Variants in KANSL1L observed in about 807,000 individuals in gnomAD.
KANSL1L encodes KAT8 regulatory NSL complex subunit 1-like protein.
A neutral mutation model predicts 108.6 loss-of-function variants in KANSL1L; 25 were observed. The ratio of observed to expected loss-of-function variants is 0.23; its 90% confidence interval spans 0.17 to 0.32. The LOEUF is 0.32. KANSL1L is among the 10% of genes least tolerant of loss of function. The pLI is 1.00. For synonymous variants in KANSL1L, 405 were observed against 395.1 expected, an observed-to-expected ratio of 1.03 and a Z score of -0.30; for missense variants, 1,137 against 1,125.7, an observed-to-expected ratio of 1.01 and a Z score of -0.14.
upstream of KANSL1L, chr2:210,171,585 C>G (rs547512336): frequency 1.3e-5 from 2 of 152,344 alleles, no homozygotes; most frequent in South Asian, 2.1e-4. Flanking sequence ...GGGTTTACCT[C>G]GGCTCCCTCG....
At chr2:210,143,750 C>A (rs2095246422) in intron 2 of KANSL1L, among the ~76,000 whole-genome samples, 1 of 152,032 alleles carries the variant, frequency 6.6e-6, no homozygotes, top group Non-Finnish European at 1.5e-5. Context: ...ACTTTTATTC[C>A]TCCTATTCTA....
At chr2:210,074,862 TAACGTTA>T (rs2094531472) in intron 6 of KANSL1L, among the ~76,000 whole-genome samples, 1 of 152,194 alleles carries the variant, frequency 6.6e-6, no homozygotes, top group Non-Finnish European at 1.5e-5. Context: ...TTAAGAAATC[TAACGTTA>T]ATTGTCAGGG....
intron 6 of KANSL1L, among the ~76,000 whole-genome samples, chr2:210,046,039 A>G (rs909380240): frequency 6.6e-6 from 1 of 152,176 alleles, no homozygotes; most frequent in South Asian, 2.1e-4. Flanking sequence ...GTGTCTGACA[A>G]AGGTCTACTT....
intron 6 of KANSL1L, among the ~76,000 whole-genome samples, chr2:210,062,134 G>A (rs555938667): frequency 6.6e-6 from 1 of 152,316 alleles, no homozygotes; most frequent in Admixed American, 6.5e-5. Context: ...GGGACCGGGA[G>A]ATGTAATCGA....
intron 2 of KANSL1L, among the ~76,000 whole-genome samples, chr2:210,135,051 C>T (rs2095161443): frequency 6.6e-6 from 1 of 152,156 alleles, no homozygotes. Flanking sequence ...GACCTTACTC[C>T]ACTGCCAGAG....
chr2:210,124,907 T>C (rs888770082), intron 3 of KANSL1L, among the ~76,000 whole-genome samples: 2 of 152,098 alleles, frequency 1.3e-5, no homozygotes, highest in Non-Finnish European at 2.9e-5. Flanking sequence ...CTAGATTACA[T>C]GAACAAATTC....
intron 2 of KANSL1L, among the ~76,000 whole-genome samples, chr2:210,151,027 T>C (rs2095299520): frequency 6.6e-6 from 1 of 152,096 alleles, no homozygotes; most frequent in South Asian, 2.1e-4. Flanking sequence ...ATTTTCTTCC[T>C]TTTTTTGATA....
intron 5 of KANSL1L, among the ~76,000 whole-genome samples, chr2:210,092,454 A>G (rs371111433): frequency 6.6e-6 from 1 of 152,250 alleles, no homozygotes; most frequent in South Asian, 2.1e-4. Context: ...GAAACCACTT[A>G]CTTAGTTATT....
At chr2:210,151,276 C>T (rs1300162597) in intron 2 of KANSL1L, 1 of 152,180 alleles carries the variant, frequency 6.6e-6, no homozygotes, top group East Asian at 1.9e-4. Context: ...CCACCTGGGC[C>T]TCCGAAAGTG....
intron 5 of KANSL1L, among the ~76,000 whole-genome samples, chr2:210,096,283 G>C (rs895461037): frequency 6.6e-6 from 1 of 152,106 alleles, no homozygotes; most frequent in Non-Finnish European, 1.5e-5. Flanking sequence ...TTAAAAGCCA[G>C]TATTCAAACA....
chr2:210,083,817 G>A (rs1189636670), intron 5 of KANSL1L, among the ~76,000 whole-genome samples: 3 of 124,368 alleles, frequency 2.4e-5, no homozygotes, highest in East Asian at 2.5e-4. Flanking sequence ...GCGACAGAGT[G>A]AGACTCCATC....
At chr2:210,056,499 G>A (rs1185247328) in intron 6 of KANSL1L, among the ~76,000 whole-genome samples, 2 of 151,712 alleles carry the variant, frequency 1.3e-5, no homozygotes, top group African/African-American at 4.8e-5. Flanking sequence ...ATCTTTTTTT[G>A]AGACAGAGTC....
intron 7 of KANSL1L, 84 bp downstream of exon 7, chr2:210,043,855 G>A (rs2094195121): frequency 2.1e-6 from 2 of 935,628 alleles, no homozygotes; most frequent in Non-Finnish European, 3.1e-6. Context: ...GATAAAATAA[G>A]ATTTATTAGA....
Position 210,154,265 on chromosome 2 carries a change from G to A in KANSL1L, c.318C>T (p.Cys106=), listed in dbSNP as rs144810571. ...YKQKKLGEPS[C]NKLKNILYNG... is the part of the protein sequence containing the mutation. ...TATACAGTATGTTTTTCAGCTTATT[G>A]CAACTGGGCTCCCCTAATTTCTTTT... Residue 106 remains cysteine (C), a synonymous_variant, in exon 2 of 15, where the codon TGC becomes TGT. Coordinates refer to ENST00000281772, the MANE Select transcript of KANSL1L (RefSeq NM_152519.4). 5.1e-5 allele frequency: 82 copies of A among 1,613,618 alleles called. No individual in the cohort carries two copies. The highest frequency in any genetic ancestry group is 6.9e-5 in the Non-Finnish European group (81 of 1,179,868).
intron 3 of KANSL1L, among the ~76,000 whole-genome samples, chr2:210,113,604 G>T (rs1479098590): frequency 6.6e-6 from 1 of 151,992 alleles, no homozygotes; most frequent in Non-Finnish European, 1.5e-5. Context: ...CCTGAAAACA[G>T]GATGGAAGAT....
chr2:210,121,561 T>C (rs948836605), intron 3 of KANSL1L, among the ~76,000 whole-genome samples: 6 of 152,258 alleles, frequency 3.9e-5, no homozygotes, highest in South Asian at 2.1e-4. Context: ...GCTTAATACC[T>C]GGCTGATGAA....
intron 3 of KANSL1L, among the ~76,000 whole-genome samples, chr2:210,109,136 T>C (rs1277294042): frequency 6.6e-6 from 1 of 152,140 alleles, no homozygotes; most frequent in African/African-American, 2.4e-5. Context: ...CCCATAAGTA[T>C]TCTCTCTATG....
chr2:210,113,177 C>A (rs896935268), intron 3 of KANSL1L, among the ~76,000 whole-genome samples: 1 of 152,066 alleles, frequency 6.6e-6, no homozygotes, highest in African/African-American at 2.4e-5. Context: ...TGGCAGAAGG[C>A]CTTCCTGGGG....
intron 12 of KANSL1L, chr2:210,026,440 T>C (rs2093937805): frequency 6.6e-6 from 1 of 152,232 alleles, no homozygotes; most frequent in Admixed American, 6.5e-5. Context: ...TTTGGTGACA[T>C]AGCCTGATCT....
Sources: allele counts gnomAD v4.1 joint callset (sites outside exome capture counted in the v4.1 genomes callset), GRCh38; gene constraint gnomAD v4.1.1; transcripts MANE v1.5; gene names NCBI Gene and HGNC (gene_info 2026-07-23, HGNC 2026-07-21).